The following STK10 variants were observed in gnomAD, a reference collection of about 807,000 sequenced individuals.
STK10 encodes the protein serine/threonine-protein kinase 10.
In STK10, 78 loss-of-function variants were observed where a neutral mutation model predicts 113.8. The observed-to-expected ratio is 0.69, with a 90% CI of 0.57 to 0.83. The LOEUF (loss-of-function observed/expected upper bound fraction) is 0.83, where lower values mean the gene tolerates loss of function less well. STK10 is among the 40% of genes least tolerant of loss of function. The pLI is 0.00. For synonymous variants in STK10, 465 were observed against 494.7 expected (o/e 0.94, Z 0.80); for missense variants, 1,109 against 1,280.1 (o/e 0.87, Z 2.04).
chr5:172,044,766 G>T lies in STK10; in HGVS notation c.*116C>A. ...TGGGGTGGCACAGGGCGAGGGGCTG[G>T]ATTTGAGCTGGCACAGACGCAAGAG... On this transcript the variant is annotated 3_prime_UTR_variant, in exon 19 of 19. Transcript: ENST00000176763. The surrounding 1 kb of genome is among the most constrained non-coding windows in gnomAD (Gnocchi z 4.5). 1 of 1,559,788 alleles carries T rather than the reference G, an allele frequency of 6.4e-7. No individual in the cohort carries two copies. The highest frequency in any genetic ancestry group is 8.7e-7 in the Non-Finnish European group (1 of 1,143,354).
chr5:172,067,312 G>C (rs1214329191), intron 12 of STK10, among the ~76,000 whole-genome samples: 6 of 151,936 alleles, frequency 3.9e-5, no homozygotes, highest in Non-Finnish European at 8.8e-5. Flanking sequence ...AGCTGTGACT[G>C]CACCACTGCA....
intron 12 of STK10, among the ~76,000 whole-genome samples, chr5:172,081,284 G>C (rs1325044601): frequency 6.7e-6 from 1 of 149,196 alleles, no homozygotes; most frequent in African/African-American, 2.5e-5. Flanking sequence ...TCGGGAGGCA[G>C]AGGTTGCAGT....
intron 1 of STK10, among the ~76,000 whole-genome samples, chr5:172,175,928 C>T (rs3776747): frequency 4.6e-5 from 7 of 151,910 alleles, no homozygotes; most frequent in Non-Finnish European, 1.0e-4. Context: ...CATGGGGATA[C>T]GAGAAGAATA....
intron 9 of STK10, chr5:172,092,991 C>G (rs1198138028): frequency 5.9e-6 from 1 of 168,072 alleles, no homozygotes; most frequent in African/African-American, 2.4e-5. Flanking sequence ...GCCCAGGCCT[C>G]TAGTGCGGTG....
rs1767426008 is a variant in STK10 at position 172,043,400 on chromosome 5, C to T, written c.*1482G>A. Reference sequence around the variant, plus strand: ...TAGGAGTGAAGGCGGAAAAAGTCCTCCCAGGAAGTCTCAACCACTCTACCA... The same window carrying T: ...TAGGAGTGAAGGCGGAAAAAGTCCTTCCAGGAAGTCTCAACCACTCTACCA... On this transcript the variant is annotated 3_prime_UTR_variant, in exon 19 of 19. Coordinates refer to ENST00000176763, the MANE Select transcript of STK10 (RefSeq NM_005990.4). 1 of 152,114 alleles carries T rather than the reference C, an allele frequency of 6.6e-6. No homozygotes were observed. The highest frequency in any genetic ancestry group is 1.5e-5 in the Non-Finnish European group (1 of 68,044). The allele number at this position is 152,114 out of a possible 1,614,324, so 9.4% of individuals were successfully genotyped here. A position where few individuals can be genotyped will look rare whatever the true frequency, so the allele number is the denominator to read the frequency against.
intron 2 of STK10, among the ~76,000 whole-genome samples, chr5:172,138,556 T>C (rs1476731325): frequency 6.6e-6 from 1 of 152,182 alleles, no homozygotes; most frequent in African/African-American, 2.4e-5. Flanking sequence ...ACCGTGTTTC[T>C]ACATACTAAC....
chr5:172,089,644 C>T (rs1002009664), intron 10 of STK10, among the ~76,000 whole-genome samples: 3 of 151,586 alleles, frequency 2.0e-5, no homozygotes, highest in East Asian at 2.0e-4. Flanking sequence ...ATGGATAATT[C>T]GGCAGATGAA....
intron 4 of STK10, among the ~76,000 whole-genome samples, chr5:172,112,082 G>A (rs564189972): frequency 1.3e-5 from 2 of 152,320 alleles, no homozygotes; most frequent in East Asian, 3.9e-4. Flanking sequence ...CCCCAGCTAT[G>A]AAATAACATG....
chr5:172,097,131 C>G (rs1227872463), intron 7 of STK10, among the ~76,000 whole-genome samples: 1 of 152,186 alleles, frequency 6.6e-6, no homozygotes, highest in Non-Finnish European at 1.5e-5. Flanking sequence ...CTCCACCTAC[C>G]AGGTTCAAGG....
At position 172,167,802 on chromosome 5, in the gene STK10, C is replaced by T. The variant is rs571406096; in HGVS notation, c.157-11014G>A. ...GAACAGAGCAGGTACATACAGAACA[C>T]TTCGATCACTGTAGAAAGTTCACCC... On this transcript the variant is annotated intron_variant, in intron 1 of 18. Coordinates refer to ENST00000176763, the MANE Select transcript of STK10 (RefSeq NM_005990.4). Among the ~76,000 whole-genome samples the T allele has an allele frequency of 3.3e-5, 5 of 152,338 alleles. No homozygotes were observed. The South Asian group carries it at 8.3e-4, about 25-fold the overall frequency.
Position 172,082,209 on chromosome 5 carries a change from C to G in STK10, c.1989+117G>C. ...ACACAGATCCAGGCTCACCTGCTCC[C>G]GAGCTCTTCAGCCGTACCCCTCTGC... is the stretch of plus-strand genomic sequence containing the variant. On this transcript the variant is annotated intron_variant, in intron 12 of 18. Coordinates refer to ENST00000176763, the MANE Select transcript of STK10 (RefSeq NM_005990.4). The surrounding 1 kb of genome is among the most constrained non-coding windows in gnomAD (Gnocchi z 4.3). 8.3e-7 allele frequency: 1 copy of G among 1,201,756 alleles called. No individual in the cohort carries two copies. Among genetic ancestry groups the G allele is most frequent in the Non-Finnish European group, 1.1e-6 (1 of 899,856 alleles). The allele number at this position is 1,201,756 out of a possible 1,614,324, so 74.4% of individuals were successfully genotyped here.
intron 12 of STK10, among the ~76,000 whole-genome samples, chr5:172,072,520 G>A (rs1284378974): frequency 9.9e-5 from 15 of 152,202 alleles, no homozygotes; most frequent in African/African-American, 2.4e-4. Context: ...CGCCTGCCTC[G>A]GCCTCCCAAA....
chr5:172,071,747 G>A (rs961727396), intron 12 of STK10, among the ~76,000 whole-genome samples: 2 of 151,934 alleles, frequency 1.3e-5, no homozygotes, highest in Non-Finnish European at 2.9e-5. Flanking sequence ...TTGCTGTCTC[G>A]TCCTTACAAG....
At chr5:172,087,494 C>T (rs991089965) in intron 10 of STK10, among the ~76,000 whole-genome samples, 7 of 152,130 alleles carry the variant, frequency 4.6e-5, no homozygotes, top group South Asian at 2.1e-4. Context: ...AGGCTTTTCT[C>T]GAACTCCTGA....
At chr5:172,078,619 T>TAAAAAAAAAAAAAAAAA (rs58823824) in intron 12 of STK10, among the ~76,000 whole-genome samples, 13 of 72,874 alleles carry the variant, frequency 1.8e-4, no homozygotes, top group East Asian at 7.2e-4. Context: ...GCCTCATCAT[T>TAAAAAAAAAAAAAAAAA]AAAAAAAAAA....
intron 2 of STK10, among the ~76,000 whole-genome samples, chr5:172,150,425 G>A (rs1219373588): frequency 2.7e-5 from 4 of 150,460 alleles, no homozygotes; most frequent in African/African-American, 9.8e-5. Flanking sequence ...AGGTTGCAGT[G>A]AGCCGAGATC....
At chr5:172,132,856 A>G (rs9313577) in intron 2 of STK10, among the ~76,000 whole-genome samples, 70,036 of 152,060 alleles carry the variant, frequency 0.46, 17,832 homozygotes, top group African/African-American at 0.7. Flanking sequence ...CCTGCCCCAA[A>G]ATCACCAGCT....
intron 14 of STK10, among the ~76,000 whole-genome samples, chr5:172,060,491 C>T (rs747242904): frequency 6.1e-4 from 93 of 152,346 alleles, no homozygotes; most frequent in Non-Finnish European, 1.1e-3. Flanking sequence ...GCTAGTCTCC[C>T]TTCCACTATG....
chr5:172,113,629 T>A (rs2113773174), intron 4 of STK10, among the ~76,000 whole-genome samples: 1 of 152,236 alleles, frequency 6.6e-6, no homozygotes, highest in Non-Finnish European at 1.5e-5. Flanking sequence ...TAAAAACTAA[T>A]ATTGTCACCG....
Sources: allele counts gnomAD v4.1 joint callset (sites outside exome capture counted in the v4.1 genomes callset), GRCh38; gene constraint gnomAD v4.1.1; non-coding constraint Gnocchi (gnomAD v3.1); transcripts MANE v1.5; gene names NCBI Gene and HGNC (gene_info 2026-07-23, HGNC 2026-07-21).